ZNF652: variants seen among roughly 807,000 people sequenced by gnomAD.
ZNF652 encodes the protein zinc finger protein 652.
ZNF652 carries 16 observed loss-of-function variants against 45.2 expected under a neutral mutation model. The observed-to-expected ratio is 0.35, with a 90% CI of 0.24 to 0.54. ZNF652 has a LOEUF of 0.54. Ranked by LOEUF, ZNF652 falls within the 20% of genes least tolerant of loss-of-function variation. The pLI is 0.91. For missense variants in ZNF652, 614 were observed against 765.6 expected, an observed-to-expected ratio of 0.80 and a Z score of 2.34; for synonymous variants, 250 against 260.6, an observed-to-expected ratio of 0.96 and a Z score of 0.39.
At chr17:49,327,771 ATATATATATTT>A (rs1567690564) in intron 1 of ZNF652, among the ~76,000 whole-genome samples, 5 of 3,524 alleles carry the variant, frequency 1.4e-3, no homozygotes, top group African/African-American at 6.9e-3. Context: ...ATATATATAT[ATATATATATTT>A]TTTTTTTTTT....
In ZNF652 at chr17:49,315,559, T is replaced by TAA. The variant is rs10542422; in HGVS notation, c.900+1265_900+1266dup. 5.6e-5 allele frequency among the ~76,000 whole-genome samples: 8 copies of TAA among 143,470 alleles called. No homozygotes were observed. In the South Asian group the frequency reaches 1.7e-3, roughly 31 times the overall value. 94.1% of individuals were successfully genotyped at this position (143,470 alleles called of 152,430 possible). A position where few individuals can be genotyped will look rare whatever the true frequency, so the allele number is the denominator to read the frequency against. On this transcript the variant is annotated intron_variant, in intron 2 of 5. Transcript: ENST00000430262. ...TTCTGTAACTTAAACAGACTTAAGTTAAAAAAAAAAAAAAACCCACAAAAC... is the reference window on the plus strand; with the variant it reads ...TTCTGTAACTTAAACAGACTTAAGTTAAAAAAAAAAAAAAAAACCCACAAAAC...
chr17:49,305,000 C>T (rs1191351863), intron 5 of ZNF652, among the ~76,000 whole-genome samples: 2 of 151,960 alleles, frequency 1.3e-5, no homozygotes, highest in East Asian at 3.9e-4. Context: ...TACGTGAATG[C>T]CCCAGAGATA....
chr17:49,307,467 C>T (rs2069646954), intron 5 of ZNF652, among the ~76,000 whole-genome samples: 1 of 132,640 alleles, frequency 7.5e-6, no homozygotes, highest in African/African-American at 2.9e-5. Flanking sequence ...AAAGGCCAGG[C>T]ACAGTGGCTC....
At chr17:49,301,187 T>A (rs189563809) in intron 5 of ZNF652, among the ~76,000 whole-genome samples, 2 of 152,332 alleles carry the variant, frequency 1.3e-5, no homozygotes, top group Admixed American at 1.3e-4. Context: ...ACATCCCCTA[T>A]GGCCTCTTCC....
intron 2 of ZNF652, among the ~76,000 whole-genome samples, chr17:49,315,042 GTT>G (rs11342868): frequency 3.2e-4 from 43 of 134,198 alleles, no homozygotes; most frequent in East Asian, 4.3e-4. Context: ...GTTTTAGTTT[GTT>G]TTTTTTTTTT....
intron 1 of ZNF652, among the ~76,000 whole-genome samples, chr17:49,343,844 C>T (rs1257278837): frequency 6.6e-6 from 1 of 151,578 alleles, no homozygotes; most frequent in African/African-American, 2.4e-5. Context: ...TGCTTGAGGC[C>T]CAGAGTTCAA....
intron 1 of ZNF652, among the ~76,000 whole-genome samples, chr17:49,321,516 C>T (rs2069892659): frequency 1.3e-5 from 2 of 150,056 alleles, no homozygotes; most frequent in African/African-American, 2.5e-5. Context: ...GTGATCCACC[C>T]GCCTTGACCT....
At position 49,293,191 on chromosome 17, in the gene ZNF652, C is replaced by A. The variant is rs1278411282; in HGVS notation, c.*5222G>T. ...TTGTAAGTAGTTTCTTACTACAATA[C>A]AGATTCTATCTAGTGAACAAGAAAC... On this transcript the variant is annotated 3_prime_UTR_variant, in exon 6 of 6. Transcript: ENST00000430262. Among the ~76,000 whole-genome samples the A allele has an allele frequency of 6.6e-6, 1 of 152,158 alleles. No individual in the cohort carries two copies. The highest frequency in any genetic ancestry group is 1.5e-5 in the Non-Finnish European group (1 of 68,014).
Position 49,350,493 on chromosome 17 carries a change from C to T in ZNF652, c.-259+11416G>A, listed in dbSNP as rs565214689. ...GGCAGAGGTGGCAGTGAGCCGAGAT[C>T]GCGCCACTGCACTCCAGCTCAGGTG... On this transcript the variant is annotated intron_variant, in intron 1 of 5. Coordinates refer to ENST00000430262, the MANE Select transcript of ZNF652 (RefSeq NM_001145365.3). Among the ~76,000 whole-genome samples the T allele has an allele frequency of 2.7e-3, 407 of 150,102 alleles. 1 individual carries two copies. The highest frequency in any genetic ancestry group is 0.014 in the Middle Eastern group (4 of 286).
intron 1 of ZNF652, among the ~76,000 whole-genome samples, chr17:49,322,673 CAGG>C (rs2069908573): frequency 1.3e-5 from 2 of 152,170 alleles, no homozygotes; most frequent in Admixed American, 1.3e-4. Context: ...ATCACGAGGT[CAGG>C]AGATCAAGAC....
At chr17:49,327,156 T>C (rs1019512947) in intron 1 of ZNF652, among the ~76,000 whole-genome samples, 1 of 152,152 alleles carries the variant, frequency 6.6e-6, no homozygotes, top group Non-Finnish European at 1.5e-5. Flanking sequence ...AGCACATATA[T>C]AGATAATTTT....
chr17:49,348,881 T>C (rs1310605543), intron 1 of ZNF652, among the ~76,000 whole-genome samples: 4 of 152,234 alleles, frequency 2.6e-5, no homozygotes, highest in South Asian at 2.1e-4. Flanking sequence ...AAGTTATCCC[T>C]ATGCATTTTT....
chr17:49,292,276 C>A lies in ZNF652; in HGVS notation c.*6137G>T, dbSNP rs2069414039. 6.6e-6 allele frequency among the ~76,000 whole-genome samples: 1 copy of A among 151,942 alleles called. No homozygotes were observed. The highest frequency in any genetic ancestry group is 1.5e-5 in the Non-Finnish European group (1 of 67,996). ...ACTGGAAGGGAGTAAAAAGACCTGT[C>A]CACAGCACAAACTTCCACTCTGGCT... is the stretch of plus-strand genomic sequence containing the variant. On this transcript the variant is annotated 3_prime_UTR_variant, in exon 6 of 6. Coordinates refer to ENST00000430262, the MANE Select transcript of ZNF652 (RefSeq NM_001145365.3).
At chr17:49,330,012 A>G (rs2070006465) in intron 1 of ZNF652, among the ~76,000 whole-genome samples, 1 of 152,258 alleles carries the variant, frequency 6.6e-6, no homozygotes, top group African/African-American at 2.4e-5. Flanking sequence ...CACAATGTAT[A>G]TTCAGAATAT....
intron 1 of ZNF652, among the ~76,000 whole-genome samples, chr17:49,343,693 G>A (rs546521562): frequency 1.3e-5 from 2 of 149,394 alleles, no homozygotes; most frequent in South Asian, 4.2e-4. Context: ...AATCCAATGC[G>A]TGGTCAAGAT....
chr17:49,347,571 T>C (rs1169631376), intron 1 of ZNF652, among the ~76,000 whole-genome samples: 1 of 151,780 alleles, frequency 6.6e-6, no homozygotes, highest in Non-Finnish European at 1.5e-5. Context: ...TCTTTAAATA[T>C]ATATAAAATT....
intron 1 of ZNF652, among the ~76,000 whole-genome samples, chr17:49,341,319 A>G (rs2070143286): frequency 6.6e-6 from 1 of 151,888 alleles, no homozygotes; most frequent in African/African-American, 2.4e-5. Flanking sequence ...GAGCACATCA[A>G]CTGAAAAAAA....
At chr17:49,359,248 G>A (rs1009779459) in intron 1 of ZNF652, among the ~76,000 whole-genome samples, 1 of 152,148 alleles carries the variant, frequency 6.6e-6, no homozygotes, top group African/African-American at 2.4e-5. Flanking sequence ...GGCATGACAT[G>A]AGCAAAAAAT....
In ZNF652 at chr17:49,291,363, G is replaced by T. The variant is rs1017052187; in HGVS notation, c.*7050C>A. On this transcript the variant is annotated 3_prime_UTR_variant, in exon 6 of 6. Transcript: ENST00000430262. ...ATCCAGTACAGACACAGGCTCTTTA[G>T]TTGATCAGAACTAGCCAAGGCAAGT... is the stretch of plus-strand genomic sequence containing the variant. The T allele has an allele frequency of 6.6e-6, 1 of 152,198 alleles. No individual in the cohort carries two copies. Among genetic ancestry groups the T allele is most frequent in the Non-Finnish European group, 1.5e-5 (1 of 68,038 alleles). The allele number at this position is 152,198 out of a possible 1,614,324, so 9.4% of individuals were successfully genotyped here.
Sources: gnomAD v4.1 joint callset for allele counts (sites outside exome capture counted in the v4.1 genomes callset) on GRCh38, gnomAD v4.1.1 for gene constraint, MANE v1.5 for transcripts, NCBI Gene and HGNC (gene_info 2026-07-23, HGNC 2026-07-21) for gene names.